COL22A1: variants seen among roughly 807,000 people sequenced by gnomAD.
COL22A1 encodes collagen alpha-1(XXII) chain.
A neutral mutation model predicts 248.9 loss-of-function variants in COL22A1; 221 were observed. The ratio of observed to expected loss-of-function variants is 0.89; its 90% CI spans 0.80 to 0.99. The LOEUF is 0.99. COL22A1 is among the 50% of genes least tolerant of loss of function. COL22A1 has a pLI of 0.00. For synonymous variants in COL22A1, 891 were observed against 793.4 expected, an observed-to-expected ratio of 1.12 and a Z score of -2.07; for missense variants, 2,240 against 2,179.0, an observed-to-expected ratio of 1.03 and a Z score of -0.56.
intron 31 of COL22A1, among the ~76,000 whole-genome samples, chr8:138,700,471 T>G (rs1291040115): frequency 6.6e-6 from 1 of 152,108 alleles, no homozygotes; most frequent in Non-Finnish European, 1.5e-5. Flanking sequence ...CCTGCAGGTG[T>G]CCATAAGAGC....
intron 4 of COL22A1, among the ~76,000 whole-genome samples, chr8:138,833,968 A>T (rs1820244082): frequency 6.6e-6 from 1 of 152,160 alleles, no homozygotes; most frequent in African/African-American, 2.4e-5. Flanking sequence ...AATATGTGTC[A>T]CTCGGCATAT....
At chr8:138,641,135 G>A (rs1647751850) in intron 47 of COL22A1, among the ~76,000 whole-genome samples, 1 of 152,202 alleles carries the variant, frequency 6.6e-6, no homozygotes, top group South Asian at 2.1e-4. Context: ...CAGAACCGTG[G>A]CAGTTACAGA....
At chr8:138,651,617 G>T (rs2130570807) in intron 45 of COL22A1, among the ~76,000 whole-genome samples, 1 of 152,234 alleles carries the variant, frequency 6.6e-6, no homozygotes, top group Middle Eastern at 3.4e-3. Flanking sequence ...ACTGTACTTT[G>T]CTTGAAAGAG....
chr8:138,883,961 C>T (rs1208702919), intron 1 of COL22A1, among the ~76,000 whole-genome samples: 2 of 152,334 alleles, frequency 1.3e-5, no homozygotes, highest in Admixed American at 6.5e-5. Flanking sequence ...TCTACCCACC[C>T]TGTCCAGCCT....
At chr8:138,629,175 C>T (rs1473550361) in intron 50 of COL22A1, among the ~76,000 whole-genome samples, 5 of 147,722 alleles carry the variant, frequency 3.4e-5, no homozygotes, top group East Asian at 2.1e-4. Context: ...AAATCATTTG[C>T]ATATGGAGTC....
Position 138,812,967 on chromosome 8 carries a change from T to C in COL22A1, c.1298A>G (p.Glu433Gly). The C allele has an allele frequency of 6.2e-7, 1 of 1,613,848 alleles. No individual in the cohort carries two copies. Among genetic ancestry groups the C allele is most frequent in the Non-Finnish European group, 8.5e-7 (1 of 1,179,872 alleles). Residue 433 changes from glutamate to glycine, a missense_variant, in exon 8 of 65, where the codon GAG (glutamate) becomes GGG (glycine). Physicochemically the swap from Glu to Gly is moderately conservative, Grantham distance 98 (BLOSUM62 -2). Transcript: ENST00000303045. The part of the protein sequence containing the change: ...IYCDSRHAEL[E>G]TCCDIPSGPC... The stretch of plus-strand genomic sequence containing the variant: ...ACCCGAGGGGATATCACAACAAGTC[T>C]CCAATTCTGCGTGTCTCGAGTCACA...
chr8:138,840,544 C>CACAT (rs780787015), intron 4 of COL22A1, among the ~76,000 whole-genome samples: 6 of 151,064 alleles, frequency 4.0e-5, no homozygotes, highest in Non-Finnish European at 8.8e-5. Flanking sequence ...TACACACACA[C>CACAT]ACACACACAC....
chr8:138,751,460 G>A lies in COL22A1; in HGVS notation c.2083C>T (p.Arg695Ter), dbSNP rs200627175. 15 of 1,609,960 alleles carry A rather than the reference G, an allele frequency of 9.3e-6. No homozygotes were observed. The highest frequency in any genetic ancestry group is 1.3e-5 in the Non-Finnish European group (15 of 1,177,478). ...CAAAGAAAAGAGAGTTTACTTACTC[G>A]GAGACCTTGCAAACCAGGAGGTCCA... Reference protein sequence around the residue: ...RDGPPGLQGLRGKKGDMGPPG... With the variant: ...RDGPPGLQGL The change falls in exon 22 of 65, where the codon CGA (arginine) becomes TGA (stop). Residue 695 changes from arginine to a stop codon, truncating the protein, a stop_gained and splice_region_variant. Coordinates refer to ENST00000303045, the MANE Select transcript of COL22A1 (RefSeq NM_152888.3). LOFTEE classifies it high-confidence loss of function.
intron 60 of COL22A1, among the ~76,000 whole-genome samples, chr8:138,599,438 C>T (rs925608523): frequency 1.8e-4 from 28 of 152,204 alleles, no homozygotes; most frequent in East Asian, 7.8e-4. Context: ...AAGATCGCAC[C>T]GCTGCACTCC....
chr8:138,910,957 G>A (rs1002564240), intron 1 of COL22A1, among the ~76,000 whole-genome samples: 1 of 152,162 alleles, frequency 6.6e-6, no homozygotes, highest in Non-Finnish European at 1.5e-5. Context: ...AAGCACCTTC[G>A]AAGGAAGAGA....
intron 4 of COL22A1, among the ~76,000 whole-genome samples, chr8:138,836,211 C>A (rs905115494): frequency 1.1e-4 from 16 of 152,016 alleles, no homozygotes; most frequent in African/African-American, 3.4e-4. Context: ...GCAGAGGTTG[C>A]AGTGAGCCTA....
chr8:138,704,387 C>T (rs1029440014), intron 30 of COL22A1, among the ~76,000 whole-genome samples: 1 of 152,236 alleles, frequency 6.6e-6, no homozygotes, highest in Non-Finnish European at 1.5e-5. Context: ...TAGGGGCCAA[C>T]TGAAACCTCA....
At chr8:138,705,852 T>A (rs1194653162) in intron 30 of COL22A1, among the ~76,000 whole-genome samples, 1 of 151,818 alleles carries the variant, frequency 6.6e-6, no homozygotes, top group African/African-American at 2.4e-5. Context: ...GGATAAAGAG[T>A]CAAGACCCAT....
At chr8:138,765,970 T>G (rs538439486) in intron 16 of COL22A1, among the ~76,000 whole-genome samples, 1 of 152,324 alleles carries the variant, frequency 6.6e-6, no homozygotes, top group Non-Finnish European at 1.5e-5. Context: ...AGACAGCTGC[T>G]GAGTAGAACC....
intron 10 of COL22A1, among the ~76,000 whole-genome samples, chr8:138,804,733 GGTGT>G (rs1817319556): frequency 1.3e-5 from 2 of 150,572 alleles, no homozygotes. Flanking sequence ...TGTGATGAGG[GGTGT>G]GTATGTGATG....
chr8:138,593,970 G>T (rs540385225), intron 63 of COL22A1, 47 bp downstream of exon 63: 8 of 1,407,916 alleles, frequency 5.7e-6, no homozygotes, highest in Non-Finnish European at 5.7e-6. Flanking sequence ...TTCCTTCTCC[G>T]CCCTCCAGGA....
Position 138,688,978 on chromosome 8 carries a change from A to G in COL22A1, c.2809-8T>C. 1 of 1,611,164 alleles carries G rather than the reference A, an allele frequency of 6.2e-7. No individual in the cohort carries two copies. Among genetic ancestry groups the G allele is most frequent in the East Asian group, 2.2e-5 (1 of 44,848 alleles). On this transcript the variant is annotated splice_polypyrimidine_tract_variant and splice_region_variant and intron_variant, in intron 36 of 64. Transcript: ENST00000303045. ...TCTGAGGCCGGGAGCACCCTGTGGC[A>G]AGGAAGATTACGGACATGGTGAATT...
At chr8:138,715,540 G>T in intron 30 of COL22A1, 142 bp downstream of exon 30, 1 of 617,384 alleles carries the variant, frequency 1.6e-6, no homozygotes, top group Non-Finnish European at 2.6e-6. Flanking sequence ...CTGCACTCCC[G>T]CTTGGATGAC....
At chr8:138,895,505 A>G (rs1215903050) in intron 1 of COL22A1, among the ~76,000 whole-genome samples, 1 of 152,204 alleles carries the variant, frequency 6.6e-6, no homozygotes, top group Non-Finnish European at 1.5e-5. Context: ...AAAAAAATAC[A>G]ATAACAACAT....
Sources: gnomAD v4.1 joint callset for allele counts (sites outside exome capture counted in the v4.1 genomes callset) on GRCh38, gnomAD v4.1.1 for gene constraint, MANE v1.5 for transcripts, NCBI Gene and HGNC (gene_info 2026-07-23, HGNC 2026-07-21) for gene names.